The following PDE10A variants were observed in gnomAD, a reference collection of about 807,000 sequenced individuals.
PDE10A encodes phosphodiesterase 10A.
In PDE10A, 39 loss-of-function variants were observed where a neutral mutation model predicts 97.7. The observed-to-expected ratio is 0.40, with a 90% CI of 0.31 to 0.52. The LOEUF is 0.52. PDE10A is among the 20% of genes least tolerant of loss of function. PDE10A has a pLI of 0.56. For missense variants in PDE10A, 731 were observed against 1,047.8 expected (o/e 0.70, Z 4.17); for synonymous variants, 371 against 376.8 (o/e 0.98, Z 0.18).
At chr6:165,785,143 C>A (rs2128462492) in intron 1 of PDE10A, among the ~76,000 whole-genome samples, 1 of 152,326 alleles carries the variant, frequency 6.6e-6, no homozygotes, top group South Asian at 2.1e-4. Flanking sequence ...GCAAGGTGTG[C>A]ACCTCGAAGA....
intron 9 of PDE10A, among the ~76,000 whole-genome samples, 173 bp from the exon 10 acceptor site, chr6:165,428,882 A>G (rs1302716395): frequency 6.6e-6 from 1 of 152,052 alleles, no homozygotes; most frequent in African/African-American, 2.4e-5. Context: ...ATATTATTTT[A>G]AAGAGATAAA....
At chr6:165,616,550 T>C (rs1332907832) in intron 1 of PDE10A, among the ~76,000 whole-genome samples, 3 of 152,180 alleles carry the variant, frequency 2.0e-5, no homozygotes, top group Non-Finnish European at 4.4e-5. Context: ...GATTAAACAA[T>C]GTACAGGTTA....
At position 165,460,518 on chromosome 6, in the gene PDE10A, T is replaced by C. The variant is rs537147954; in HGVS notation, c.1024-10156A>G. ...AAACGTCCTACTTGTGAAATAACTA[T>C]TCAGGGAAAGAAATTTAAAGGTTTG... On this transcript the variant is annotated intron_variant, in intron 3 of 21. Transcript: ENST00000539869. Among the ~76,000 whole-genome samples, 240 of 152,296 alleles carry C rather than the reference T, an allele frequency of 1.6e-3. 1 individual carries two copies. The highest frequency in any genetic ancestry group is 5.1e-3 in the African/African-American group (211 of 41,558).
intron 1 of PDE10A, among the ~76,000 whole-genome samples, chr6:165,707,681 G>A (rs1791750757): frequency 6.6e-6 from 1 of 151,848 alleles, no homozygotes; most frequent in Admixed American, 6.6e-5. Flanking sequence ...GTAAGCGTAT[G>A]TGAGCATGTG....
At chr6:165,964,793 A>G (rs907942715) in intron 1 of PDE10A, among the ~76,000 whole-genome samples, 1 of 152,156 alleles carries the variant, frequency 6.6e-6, no homozygotes, top group Admixed American at 6.5e-5. Flanking sequence ...ACACAGATGG[A>G]CCCACATAAT....
intron 15 of PDE10A, among the ~76,000 whole-genome samples, chr6:165,394,383 C>A (rs1315539039): frequency 2.0e-5 from 3 of 152,100 alleles, no homozygotes; most frequent in African/African-American, 2.4e-5. Context: ...CATGTCCCTG[C>A]AAAGGACATG....
intron 1 of PDE10A, among the ~76,000 whole-genome samples, chr6:165,921,722 G>C (rs188652469): frequency 1.3e-5 from 2 of 152,320 alleles, no homozygotes; most frequent in East Asian, 3.9e-4. Flanking sequence ...TCCAGCATGA[G>C]CATGGAAACC....
At chr6:165,573,256 G>T (rs959100981) in intron 1 of PDE10A, among the ~76,000 whole-genome samples, 4 of 143,944 alleles carry the variant, frequency 2.8e-5, no homozygotes, top group South Asian at 2.3e-4. Context: ...TTTGGCCGTA[G>T]AGCATGTTCT....
intron 1 of PDE10A, among the ~76,000 whole-genome samples, chr6:165,700,748 T>G (rs1156944680): frequency 2.0e-5 from 3 of 152,208 alleles, no homozygotes; most frequent in Non-Finnish European, 4.4e-5. Context: ...ATTTATGCAA[T>G]TTACTAGATT....
intron 8 of PDE10A, among the ~76,000 whole-genome samples, chr6:165,431,011 C>A (rs1165742772): frequency 6.6e-6 from 1 of 151,934 alleles, no homozygotes; most frequent in Non-Finnish European, 1.5e-5. Flanking sequence ...TTCAAAAGAA[C>A]CAGATATCTT....
chr6:165,469,607 G>A (rs1299106129), intron 3 of PDE10A, among the ~76,000 whole-genome samples: 1 of 152,132 alleles, frequency 6.6e-6, no homozygotes, highest in Non-Finnish European at 1.5e-5. Flanking sequence ...TTCCTGTGGG[G>A]TTCTTCTTCA....
chr6:165,604,274 G>A (rs1423102259), intron 1 of PDE10A, among the ~76,000 whole-genome samples: 1 of 152,090 alleles, frequency 6.6e-6, no homozygotes, highest in African/African-American at 2.4e-5. Flanking sequence ...AGGATAATAC[G>A]GCGCCTGGCA....
chr6:165,372,037 C>A lies in PDE10A; in HGVS notation c.2783+7157G>T, dbSNP rs535554752. Among the ~76,000 whole-genome samples the A allele has an allele frequency of 2.7e-3, 414 of 150,588 alleles. 2 individuals carry two copies. The highest frequency in any genetic ancestry group is 9.7e-3 in the African/African-American group (393 of 40,656). On this transcript the variant is annotated intron_variant, in intron 18 of 21. Transcript: ENST00000539869. ...TGACAAAATTCAACAACCCTTCATG[C>A]TAAAAACTCTCAATAAATTAGGTAT...
chr6:165,437,298 T>C (rs1425105139), intron 5 of PDE10A, among the ~76,000 whole-genome samples: 1 of 152,200 alleles, frequency 6.6e-6, no homozygotes, highest in East Asian at 1.9e-4. Flanking sequence ...GTTTAAGTTA[T>C]ACATAGCTTC....
intron 1 of PDE10A, among the ~76,000 whole-genome samples, chr6:165,919,652 TG>T (rs1280942579): frequency 1.3e-5 from 2 of 152,242 alleles, no homozygotes; most frequent in African/African-American, 4.8e-5. Context: ...ATTCTGAGCT[TG>T]TGGCCTGTGC....
At chr6:165,405,994 G>A (rs761793437) in intron 13 of PDE10A, among the ~76,000 whole-genome samples, 8 of 152,008 alleles carry the variant, frequency 5.3e-5, no homozygotes, top group Non-Finnish European at 1.2e-4. Flanking sequence ...ATCTAGGAGT[G>A]ATTAATGCTT....
intron 1 of PDE10A, among the ~76,000 whole-genome samples, chr6:165,898,412 G>C (rs367557655): frequency 6.6e-6 from 1 of 151,926 alleles, no homozygotes; most frequent in African/African-American, 2.4e-5. Flanking sequence ...TTTAGGTCTC[G>C]AAGTCCATAT....
intron 1 of PDE10A, among the ~76,000 whole-genome samples, chr6:165,917,188 T>C (rs1050239255): frequency 6.6e-6 from 1 of 151,934 alleles, no homozygotes; most frequent in Non-Finnish European, 1.5e-5. Context: ...AAGAGGGAGG[T>C]TCACCTCTCC....
chr6:165,652,737 C>T (rs1458551634), intron 1 of PDE10A, among the ~76,000 whole-genome samples: 1 of 152,196 alleles, frequency 6.6e-6, no homozygotes, highest in African/African-American at 2.4e-5. Context: ...TACTTACCAA[C>T]TTTTAAAGGG....
Sources: gnomAD v4.1 joint callset for allele counts (sites outside exome capture counted in the v4.1 genomes callset) on GRCh38, gnomAD v4.1.1 for gene constraint, MANE v1.5 for transcripts, NCBI Gene and HGNC (gene_info 2026-07-23, HGNC 2026-07-21) for gene names.